Variants in ADGRA3 observed in about 807,000 individuals in gnomAD.
The protein encoded by ADGRA3 is adhesion G protein-coupled receptor A3, also known as G-protein coupled receptor 125.
Under a neutral mutation model 119.8 loss-of-function variants are expected in ADGRA3, and 56 were observed. The observed-to-expected ratio is 0.47, with a 90% CI of 0.38 to 0.58. ADGRA3 has a LOEUF of 0.58. Among genes scored for constraint, ADGRA3 ranks in the 20% least tolerant of loss-of-function variants. The pLI is 0.00. For missense variants in ADGRA3, 1,516 were observed against 1,649.0 expected (o/e 0.92, Z 1.40); for synonymous variants, 607 against 623.8 (o/e 0.97, Z 0.40).
chr4:22,398,022 G>A, intron 16 of ADGRA3: 3 of 966,486 alleles, frequency 3.1e-6, no homozygotes, highest in Non-Finnish European at 3.7e-6. Flanking sequence ...GCGACATGAA[G>A]AAGAGGAGAA....
chr4:22,433,659 T>C (rs1462848991), intron 10 of ADGRA3, among the ~76,000 whole-genome samples: 1 of 152,164 alleles, frequency 6.6e-6, no homozygotes, highest in Non-Finnish European at 1.5e-5. Flanking sequence ...ATCATAAACA[T>C]GTATTCTTCG....
chr4:22,488,363 A>C (rs1439617651), intron 1 of ADGRA3, among the ~76,000 whole-genome samples: 1 of 152,086 alleles, frequency 6.6e-6, no homozygotes, highest in Non-Finnish European at 1.5e-5. Flanking sequence ...CTTTAAAAAA[A>C]AAAAAAAGTC....
Position 22,436,647 on chromosome 4 carries a change from G to C in ADGRA3, c.1086-6C>G, listed in dbSNP as rs375875619. 6.2e-7 allele frequency: 1 copy of C among 1,612,506 alleles called. No individual in the cohort carries two copies. On this transcript the variant is annotated splice_region_variant and splice_polypyrimidine_tract_variant and intron_variant, in intron 8 of 18. Coordinates refer to ENST00000334304, the MANE Select transcript of ADGRA3 (RefSeq NM_145290.4). ...CTGCCAATGTTCTGGGCCATCTAGA[G>C]ATGAAGACAAAATAGTACAAGAAAA...
intron 7 of ADGRA3, among the ~76,000 whole-genome samples, chr4:22,438,773 C>G (rs61792019): frequency 0.017 from 2,553 of 152,196 alleles, 21 homozygotes; most frequent in Middle Eastern, 0.048. Flanking sequence ...AGGCGGGTGG[C>G]AGGAGTTCAA....
chr4:22,477,838 G>A (rs1225301939), intron 1 of ADGRA3, among the ~76,000 whole-genome samples: 1 of 152,130 alleles, frequency 6.6e-6, no homozygotes, highest in African/African-American at 2.4e-5. Flanking sequence ...TTTTGTGCAA[G>A]AAAACAGAAT....
intron 1 of ADGRA3, among the ~76,000 whole-genome samples, chr4:22,479,516 G>A (rs1015708916): frequency 2.0e-5 from 3 of 151,956 alleles, no homozygotes; most frequent in African/African-American, 7.3e-5. Flanking sequence ...GAGAGGATGT[G>A]GAGAAATAGG....
rs139087391 is a variant in ADGRA3, at chr4:22,506,033, A to G, written c.257+9495T>C. Among the ~76,000 whole-genome samples, 95 of 152,278 alleles carry G rather than the reference A, an allele frequency of 6.2e-4. 1 individual carries two copies. Among genetic ancestry groups the G allele is most frequent in the African/African-American group, 2.1e-3 (87 of 41,556 alleles). On this transcript the variant is annotated intron_variant, in intron 1 of 18. Transcript: ENST00000334304. ...GAGAAGAGTAAATACCAAAAGTGAA[A>G]GTTTCGGTCTTTGGCCAGCCCATAC...
intron 6 of ADGRA3, chr4:22,443,094 C>G (rs1393908058): frequency 7.3e-6 from 5 of 683,538 alleles, no homozygotes; most frequent in Non-Finnish European, 1.1e-5. Context: ...AGAGTTATTC[C>G]TCTTCAGTGG....
At chr4:22,493,604 C>G (rs1718705025) in intron 1 of ADGRA3, among the ~76,000 whole-genome samples, 1 of 152,150 alleles carries the variant, frequency 6.6e-6, no homozygotes, top group African/African-American at 2.4e-5. Flanking sequence ...TGTTACCAGT[C>G]TGGTAAAGCA....
chr4:22,402,713 A>G lies in ADGRA3; in HGVS notation c.2319T>C (p.Cys773=). 1 of 1,613,844 alleles carries G rather than the reference A, an allele frequency of 6.2e-7. No homozygotes were observed. The highest frequency in any genetic ancestry group is 8.5e-7 in the Non-Finnish European group (1 of 1,179,812). Residue 773 remains cysteine (C), a synonymous_variant, in exon 15 of 19, where the codon TGT becomes TGC. Coordinates refer to ENST00000334304, the MANE Select transcript of ADGRA3 (RefSeq NM_145290.4). ...TGTAACTGACAATGACGGCTAAGAG[A>G]CATAAGAGGAGAATGATAGCGGTAG... ...VYTTAIILLL[C]LLAVIVSYIY...
intron 4 of ADGRA3, among the ~76,000 whole-genome samples, chr4:22,449,830 G>C (rs1369348841): frequency 6.1e-5 from 9 of 147,830 alleles, no homozygotes; most frequent in Admixed American, 5.4e-4. Flanking sequence ...CTGGGTAACA[G>C]AGTGAAACTC....
intron 13 of ADGRA3, 100 bp from the exon 14 acceptor site, chr4:22,413,490 C>T: frequency 7.3e-7 from 1 of 1,361,244 alleles, no homozygotes; most frequent in Non-Finnish European, 1.0e-6. Context: ...GATCTTTCTT[C>T]ACTAGTGACT....
chr4:22,450,837 A>C (rs1237628214), intron 4 of ADGRA3, among the ~76,000 whole-genome samples: 1 of 151,804 alleles, frequency 6.6e-6, no homozygotes, highest in Non-Finnish European at 1.5e-5. Flanking sequence ...TCTATTAAAA[A>C]CATGTTAATA....
At position 22,515,605 on chromosome 4, in the gene ADGRA3, C is replaced by T. The variant is rs899759551; in HGVS notation, c.180G>A (p.Glu60=). ...CCAGGCTGCTGCACACCACCTTGCC[C>T]TCGGCGGCGCCCGCCGCCCTGCCAG... The part of the protein sequence containing the change: ...RGAGRAAGAA[E]GKVVCSSLEL... The change falls in exon 1 of 19, where the codon GAG becomes GAA. Residue 60 remains glutamate, a synonymous_variant. Transcript: ENST00000334304. 1 of 1,556,558 alleles carries T rather than the reference C, an allele frequency of 6.4e-7. No individual in the cohort carries two copies. Among genetic ancestry groups the T allele is most frequent in the African/African-American group, 1.4e-5 (1 of 71,038 alleles).
chr4:22,511,123 T>C (rs757833472), intron 1 of ADGRA3, among the ~76,000 whole-genome samples: 8 of 152,330 alleles, frequency 5.3e-5, no homozygotes, highest in South Asian at 4.1e-4. Context: ...TGTTTTATAT[T>C]TTTATTTGTC....
chr4:22,502,412 TGA>T (rs1183729142), intron 1 of ADGRA3, among the ~76,000 whole-genome samples: 1 of 152,154 alleles, frequency 6.6e-6, no homozygotes, highest in Non-Finnish European at 1.5e-5. Context: ...TGACAGGCAT[TGA>T]GATATATCAC....
At chr4:22,473,260 T>C (rs996054022) in intron 2 of ADGRA3, 1 of 152,306 alleles carries the variant, frequency 6.6e-6, no homozygotes, top group Non-Finnish European at 1.5e-5. Flanking sequence ...ATTAAACTTC[T>C]TTTCTTTATA....
intron 10 of ADGRA3, among the ~76,000 whole-genome samples, chr4:22,430,482 C>T (rs1716119027): frequency 4.6e-5 from 7 of 152,112 alleles, no homozygotes. Context: ...TCTGCCCCTG[C>T]TCTAGAGATT....
At chr4:22,490,721 AAAAC>A (rs1221318253) in intron 1 of ADGRA3, among the ~76,000 whole-genome samples, 2 of 152,218 alleles carry the variant, frequency 1.3e-5, no homozygotes, top group Non-Finnish European at 2.9e-5. Flanking sequence ...TGTAAAAAGA[AAAAC>A]AAACAATACT....
Sources: allele counts gnomAD v4.1 joint callset (sites outside exome capture counted in the v4.1 genomes callset), GRCh38; gene constraint gnomAD v4.1.1; transcripts MANE v1.5; gene names NCBI Gene and HGNC (gene_info 2026-07-23, HGNC 2026-07-21).